ST3GAL1: variants seen among roughly 807,000 people sequenced by gnomAD.
ST3GAL1 encodes the protein ST3 beta-galactoside alpha-2,3-sialyltransferase 1.
A neutral mutation model predicts 34.1 loss-of-function variants in ST3GAL1; 16 were observed. The observed-to-expected ratio is 0.47, with a 90% CI of 0.32 to 0.71. ST3GAL1 has a LOEUF of 0.71. Among genes scored for constraint, ST3GAL1 ranks in the 30% least tolerant of loss-of-function variants. The pLI is 0.04. For missense variants in ST3GAL1, 353 were observed against 447.4 expected, an observed-to-expected ratio of 0.79 and a Z score of 1.90; for synonymous variants, 191 against 184.7, an observed-to-expected ratio of 1.03 and a Z score of -0.28.
At chr8:133,550,616 A>C (rs1202817721) in intron 1 of ST3GAL1, among the ~76,000 whole-genome samples, 2 of 152,180 alleles carry the variant, frequency 1.3e-5, no homozygotes, top group Non-Finnish European at 2.9e-5. Flanking sequence ...ACTGGTAGCC[A>C]CTAGCACCAA....
Position 133,459,847 on chromosome 8 carries a change from C to G in ST3GAL1, c.940G>C (p.Gly314Arg), listed in dbSNP as rs547941468. The G allele has an allele frequency of 6.2e-7, 1 of 1,614,160 alleles. No homozygotes were observed. The highest frequency in any genetic ancestry group is 8.5e-7 in the Non-Finnish European group (1 of 1,180,018). The change falls in exon 10 of 10, where the codon GGG (glycine) becomes CGG (arginine). Residue 314 changes from glycine (G) to arginine (R), a missense_variant. Physicochemically the swap from Gly to Arg is moderately radical, Grantham distance 125. Coordinates refer to ENST00000522652, the MANE Select transcript of ST3GAL1 (RefSeq NM_173344.3). This position sits in a 1 kb window ranked among gnomAD's most constrained non-coding sequence, Gnocchi z 4.7. ...GACTCAAAGTCTGCATCGTGCACCCCCGTCTTGCGAAAAGCCCCCGCGGAT... is the reference window on the plus strand; with the variant it reads ...GACTCAAAGTCTGCATCGTGCACCCGCGTCTTGCGAAAAGCCCCCGCGGAT... Reference protein sequence around the residue: ...NPSAGAFRKTGVHDADFESNV... With the variant: ...NPSAGAFRKTRVHDADFESNV...
rs1815314047 is a variant in ST3GAL1 at position 133,456,724 on chromosome 8, C to G, written c.*3040G>C. 6.6e-6 allele frequency: 1 copy of G among 152,282 alleles called. No individual in the cohort carries two copies. The highest frequency in any genetic ancestry group is 2.1e-4 in the South Asian group (1 of 4,830). 9.4% of individuals were successfully genotyped at this position (152,282 alleles called of 1,614,324 possible). A position where few individuals can be genotyped will look rare whatever the true frequency, so the allele number is the denominator to read the frequency against. On this transcript the variant is annotated 3_prime_UTR_variant, in exon 10 of 10. Coordinates refer to ENST00000522652, the MANE Select transcript of ST3GAL1 (RefSeq NM_173344.3). ...GCTGTGGGAAAGAGAAATGCAGTCT[C>G]CTGCACGGGAGGGTGTGAGAAGGCC... is the stretch of plus-strand genomic sequence containing the variant.
chr8:133,518,007 C>G (rs1817694635), intron 2 of ST3GAL1, among the ~76,000 whole-genome samples: 2 of 152,322 alleles, frequency 1.3e-5, no homozygotes, highest in African/African-American at 4.8e-5. Context: ...TCACTGCAGA[C>G]CCCACTGCTC....
chr8:133,542,645 C>T (rs997474841), intron 2 of ST3GAL1, among the ~76,000 whole-genome samples: 2 of 151,966 alleles, frequency 1.3e-5, no homozygotes, highest in Admixed American at 6.6e-5. Flanking sequence ...CATGGTCGTA[C>T]ATGCCCATAA....
intron 3 of ST3GAL1, among the ~76,000 whole-genome samples, chr8:133,494,913 CTTTTTTTTTTTT>C (rs34975583): frequency 3.0e-5 from 3 of 100,708 alleles, no homozygotes; most frequent in African/African-American, 1.2e-4. Flanking sequence ...TTCCTCTATT[CTTTTTTTTTTTT>C]TTTTTTTTTT....
At chr8:133,463,274 G>T in intron 8 of ST3GAL1, 140 bp downstream of exon 8, 2 of 915,442 alleles carry the variant, frequency 2.2e-6, no homozygotes, top group Non-Finnish European at 3.4e-6. Context: ...CTTCCCCCAG[G>T]GGGATAGCTA....
At chr8:133,527,570 T>C (rs1818014547) in intron 2 of ST3GAL1, among the ~76,000 whole-genome samples, 1 of 152,152 alleles carries the variant, frequency 6.6e-6, no homozygotes, top group Non-Finnish European at 1.5e-5. Flanking sequence ...GTTTACCCTG[T>C]GTAAAATGAG....
At position 133,461,859 on chromosome 8, in the gene ST3GAL1, G is replaced by A. The variant is rs776609294; in HGVS notation, c.849+16C>T. 5 of 1,613,868 alleles carry A rather than the reference G, an allele frequency of 3.1e-6. No homozygotes were observed. The highest frequency in any genetic ancestry group is 4.2e-6 in the Non-Finnish European group (5 of 1,179,878). Reference sequence around the variant, plus strand: ...AGCTTCGAGGCAGCCCTGTGGGCAGGGGGAGGGTGGCATACCTCATCGCAG... The same window carrying A: ...AGCTTCGAGGCAGCCCTGTGGGCAGAGGGAGGGTGGCATACCTCATCGCAG... On this transcript the variant is annotated intron_variant, in intron 9 of 9. Coordinates refer to ENST00000522652, the MANE Select transcript of ST3GAL1 (RefSeq NM_173344.3). The surrounding 1 kb of genome is among the most constrained non-coding windows in gnomAD (Gnocchi z 4.7).
chr8:133,481,576 A>G (rs553633408), intron 3 of ST3GAL1, among the ~76,000 whole-genome samples: 1 of 151,932 alleles, frequency 6.6e-6, no homozygotes, highest in East Asian at 1.9e-4. Flanking sequence ...GCTCACTATT[A>G]CCTCCACCTC....
In ST3GAL1 at chr8:133,541,068, G is replaced by A. The variant is rs550071320; in HGVS notation, c.-429+4706C>T. ...ACATATATATAGACATATATATATA[G>A]ACATATATATAGACATATATATATA... On this transcript the variant is annotated intron_variant, in intron 2 of 9. Transcript: ENST00000522652. Among the ~76,000 whole-genome samples, 100 of 39,692 alleles carry A rather than the reference G, an allele frequency of 2.5e-3. 8 individuals are homozygous for A. Among genetic ancestry groups the A allele is most frequent in the African/African-American group, 6.3e-3 (61 of 9,682 alleles). 26.0% of individuals were successfully genotyped at this position (39,692 alleles called of 152,430 possible).
chr8:133,534,975 C>T (rs1213097598), intron 2 of ST3GAL1, among the ~76,000 whole-genome samples: 1 of 152,186 alleles, frequency 6.6e-6, no homozygotes, highest in Non-Finnish European at 1.5e-5. Flanking sequence ...GTACATGAGC[C>T]CTTCCTCACA....
chr8:133,540,878 T>TAGAGACATATATAG, intron 2 of ST3GAL1, among the ~76,000 whole-genome samples: 1 of 63,518 alleles, frequency 1.6e-5, no homozygotes. Flanking sequence ...GACATATATA[T>TAGAGACATATATAG]AGAGACATAT....
At chr8:133,484,631 G>A (rs1465599727) in intron 3 of ST3GAL1, among the ~76,000 whole-genome samples, 1 of 152,136 alleles carries the variant, frequency 6.6e-6, no homozygotes, top group African/African-American at 2.4e-5. Flanking sequence ...AGTCCCTTGT[G>A]CCCCTGTGTT....
intron 5 of ST3GAL1, among the ~76,000 whole-genome samples, chr8:133,473,546 G>C (rs1008396934): frequency 2.0e-5 from 3 of 152,184 alleles, no homozygotes; most frequent in Non-Finnish European, 4.4e-5. Flanking sequence ...TGGACTTAAC[G>C]TGGTCCCAGC....
At chr8:133,512,462 A>G (rs530304489) in intron 2 of ST3GAL1, among the ~76,000 whole-genome samples, 4 of 152,354 alleles carry the variant, frequency 2.6e-5, no homozygotes, top group African/African-American at 7.2e-5. Context: ...TGCCTCTCCC[A>G]GTCCACTGAC....
At chr8:133,530,075 T>C (rs1465835233) in intron 2 of ST3GAL1, among the ~76,000 whole-genome samples, 1 of 152,236 alleles carries the variant, frequency 6.6e-6, no homozygotes, top group Non-Finnish European at 1.5e-5. Context: ...TCCCCAGGGC[T>C]CTGAACCCTG....
rs560955282 is a variant in ST3GAL1 at position 133,508,262 on chromosome 8, C to G, written c.-428-9073G>C. On this transcript the variant is annotated intron_variant, in intron 2 of 9. Coordinates refer to ENST00000522652, the MANE Select transcript of ST3GAL1 (RefSeq NM_173344.3). This position sits in a 1 kb window ranked among gnomAD's most constrained non-coding sequence, Gnocchi z 4.1. ...GAACACGTTTCTTATGTGGAATTAT[C>G]GGATTCCTGTCTTTCCTTTCTGCTG... Among the ~76,000 whole-genome samples the G allele has an allele frequency of 3.9e-5, 6 of 152,320 alleles. No individual in the cohort carries two copies. The South Asian group carries it at 1.2e-3, about 32-fold the overall frequency.
At chr8:133,504,816 A>G (rs1213034783) in intron 2 of ST3GAL1, among the ~76,000 whole-genome samples, 3 of 152,224 alleles carry the variant, frequency 2.0e-5, no homozygotes, top group Non-Finnish European at 2.9e-5. Flanking sequence ...AGAAGAGAAA[A>G]GGAATTCTAG....
chr8:133,561,690 C>T (rs1054681810), intron 1 of ST3GAL1, among the ~76,000 whole-genome samples: 2 of 151,906 alleles, frequency 1.3e-5, no homozygotes, highest in Admixed American at 6.6e-5. Context: ...GGAGGGAGCA[C>T]GGGGGTGAGG....
Sources: allele counts gnomAD v4.1 joint callset (sites outside exome capture counted in the v4.1 genomes callset), GRCh38; gene constraint gnomAD v4.1.1; non-coding constraint Gnocchi (gnomAD v3.1); transcripts MANE v1.5; gene names NCBI Gene and HGNC (gene_info 2026-07-23, HGNC 2026-07-21).